TENM1: variants seen among roughly 807,000 people sequenced by gnomAD.
TENM1 encodes teneurin-1.
A neutral mutation model predicts 174.8 loss-of-function variants in TENM1; 35 were observed. The observed-to-expected ratio is 0.20, with a 90% CI of 0.15 to 0.27. The LOEUF (loss-of-function observed/expected upper bound fraction) is 0.27, where lower values mean the gene tolerates loss of function less well. Among genes scored for constraint, TENM1 ranks in the 10% least tolerant of loss-of-function variants. The pLI is 1.00. For synonymous variants in TENM1, 781 were observed against 798.7 expected, an observed-to-expected ratio of 0.98 and a Z score of 0.37; for missense variants, 1,633 against 2,130.1, an observed-to-expected ratio of 0.77 and a Z score of 4.59.
rs1410610583 is a variant in TENM1, at chrX:124,447,614, A to C, written c.4104+5723T>G. Among the ~76,000 whole-genome samples, 3 of 111,787 alleles carry C rather than the reference A, an allele frequency of 2.7e-5. No homozygotes were observed. The Admixed American group carries it at 2.8e-4, about 11-fold the overall frequency. ...AAATCTAATGGCTTCTTTAAAAAGC[A>C]CCTCATTTTTTATGATCCCTAAGCA... On this transcript the variant is annotated intron_variant, in intron 23 of 31. Coordinates refer to ENST00000422452, the Ensembl canonical transcript of TENM1.
intron 11 of TENM1, among the ~76,000 whole-genome samples, chrX:124,604,335 T>C (rs1414026364): frequency 2.7e-5 from 3 of 111,378 alleles, no homozygotes; most frequent in African/African-American, 9.8e-5. Flanking sequence ...GTGTAGTAGG[T>C]TCAATCCCAT....
chrX:124,932,611 G>C (rs191707609), intron 1 of TENM1, among the ~76,000 whole-genome samples: 1 of 112,082 alleles, frequency 8.9e-6, no homozygotes, highest in East Asian at 2.8e-4. Flanking sequence ...CTTTATCAAA[G>C]AGGCGAGACT....
intron 15 of TENM1, among the ~76,000 whole-genome samples, chrX:124,532,777 G>C (rs2048134901): frequency 9.0e-6 from 1 of 111,563 alleles, no homozygotes; most frequent in African/African-American, 3.3e-5. Flanking sequence ...AACTCCCTTT[G>C]TAATGTATTA....
the TENM1 span, among the ~76,000 whole-genome samples, chrX:125,114,132 G>C: frequency 8.9e-6 from 1 of 111,748 alleles, no homozygotes; most frequent in Non-Finnish European, 1.9e-5. Context: ...CAACTACATG[G>C]AAACTGAACA....
chrX:125,113,005 A>C, the TENM1 span, among the ~76,000 whole-genome samples: 1 of 111,331 alleles, frequency 9.0e-6, no homozygotes, highest in Non-Finnish European at 1.9e-5. Context: ...GATTTTGAAA[A>C]AGAATCATGA....
intron 23 of TENM1, among the ~76,000 whole-genome samples, chrX:124,437,690 A>T (rs1361270693): frequency 8.9e-6 from 1 of 111,893 alleles, no homozygotes; most frequent in Non-Finnish European, 1.9e-5. Flanking sequence ...AATTTCTTTT[A>T]TATTCACTCT....
At chrX:125,122,862 G>A in the TENM1 span, among the ~76,000 whole-genome samples, 7 of 111,123 alleles carry the variant, frequency 6.3e-5, no homozygotes, top group South Asian at 2.6e-3. Flanking sequence ...GTCATTTCTA[G>A]GGTTAAGTTT....
chrX:125,091,236 T>C, the TENM1 span, among the ~76,000 whole-genome samples: 1 of 110,866 alleles, frequency 9.0e-6, no homozygotes, highest in Admixed American at 9.6e-5. Flanking sequence ...AAAAAAAGCT[T>C]GATAACATTT....
At chrX:124,420,223 C>A (rs2147739967) in intron 25 of TENM1, 88 bp downstream of exon 28, 1 of 988,367 alleles carries the variant, frequency 1.0e-6, no homozygotes, top group South Asian at 2.4e-5. Flanking sequence ...CAGCATGCAA[C>A]ACTCAGCAAT....
chrX:125,003,726 G>C, the TENM1 span, among the ~76,000 whole-genome samples: 1 of 111,709 alleles, frequency 9.0e-6, no homozygotes, highest in Non-Finnish European at 1.9e-5. Context: ...TAACTTGTGT[G>C]CTTTTAAACA....
At chrX:124,626,458 T>TA (rs1300960178) in intron 11 of TENM1, among the ~76,000 whole-genome samples, 1 of 111,534 alleles carries the variant, frequency 9.0e-6, no homozygotes, top group Non-Finnish European at 1.9e-5. Context: ...ACAGCCACCA[T>TA]AAAACTTGAC....
rs377162046 is a variant in TENM1, at chrX:124,422,453, G to T, written c.4290C>A (p.Ser1430=). 4 of 1,208,999 alleles carry T rather than the reference G, an allele frequency of 3.3e-6. No individual in the cohort carries two copies. The African/African-American group carries it at 7.0e-5, about 21-fold the overall frequency. The change falls in exon 24 of 32, where the codon TCC becomes TCA. Residue 1430 remains serine (S), a synonymous_variant. Transcript: ENST00000422452. ...TGATGGCCCTCGCTGACTCTAGAGT[G>T]GAGTGAATTGCTACCTTGCTGACCA...
Position 124,647,410 on chromosome X carries a change from T to C in TENM1, c.1580-600A>G, listed in dbSNP as rs367734392. Among the ~76,000 whole-genome samples the C allele has an allele frequency of 5.4e-5, 6 of 111,591 alleles. No homozygotes were observed. The East Asian group carries it at 1.1e-3, about 21-fold the overall frequency. On this transcript the variant is annotated intron_variant, in intron 8 of 31. Transcript: ENST00000422452. ...TTGTTGAGAAATGCTTTCTGAACTG[T>C]AAATGCTTATCCGTTTTCTGCCACT...
intron 22 of TENM1, among the ~76,000 whole-genome samples, chrX:124,475,903 C>T (rs774046859): frequency 1.1e-4 from 12 of 111,815 alleles, no homozygotes; most frequent in African/African-American, 3.6e-4. Context: ...CCTTTTCTTG[C>T]TTCTGCCCCC....
At chrX:124,687,394 A>T (rs2052394086) in intron 5 of TENM1, among the ~76,000 whole-genome samples, 1 of 111,819 alleles carries the variant, frequency 8.9e-6, no homozygotes, top group East Asian at 2.8e-4. Context: ...GGAAAACTGA[A>T]ACTGGACCCC....
At chrX:124,538,214 C>G (rs1459272433) in intron 15 of TENM1, among the ~76,000 whole-genome samples, 2 of 111,713 alleles carry the variant, frequency 1.8e-5, no homozygotes, top group Non-Finnish European at 3.8e-5. Context: ...GTCTGAAAAT[C>G]AAGAGATCCC....
chrX:124,463,352 G>T (rs2061200259), intron 22 of TENM1, among the ~76,000 whole-genome samples: 1 of 112,078 alleles, frequency 8.9e-6, no homozygotes, highest in African/African-American at 3.2e-5. Flanking sequence ...GGACTTTGAA[G>T]AAGATAAAGT....
chrX:124,882,396 C>T (rs1322992121), intron 3 of TENM1, among the ~76,000 whole-genome samples: 1 of 111,311 alleles, frequency 9.0e-6, no homozygotes, highest in Non-Finnish European at 1.9e-5. Context: ...AAGTTTAAGT[C>T]CCATGTTTCT....
exon 32 of TENM1, chrX:124,380,396 G>T: frequency 2.0e-6 from 1 of 499,022 alleles, no homozygotes; most frequent in Non-Finnish European, 3.1e-6. Context: ...ACCATCTTCC[G>T]TCACATTGAA....
Sources: gnomAD v4.1 joint callset for allele counts (sites outside exome capture counted in the v4.1 genomes callset) on GRCh38, gnomAD v4.1.1 for gene constraint, MANE v1.5 for transcripts, NCBI Gene and HGNC (gene_info 2026-07-23, HGNC 2026-07-21) for gene names.